Variants in ME3 observed in about 807,000 individuals in gnomAD.
ME3 encodes NADP-dependent malic enzyme, mitochondrial.
In ME3, 48 loss-of-function variants were observed where a neutral mutation model predicts 68.9. The observed-to-expected ratio is 0.70, with a 90% confidence interval of 0.55 to 0.89. The LOEUF is 0.89. ME3 is among the 40% of genes least tolerant of loss of function. The pLI is 0.00. For synonymous variants in ME3, 320 were observed against 318.8 expected, an observed-to-expected ratio of 1.00 and a Z score of -0.04; for missense variants, 675 against 797.4, an observed-to-expected ratio of 0.85 and a Z score of 1.85.
chr11:86,589,387 A>G (rs1009816136), intron 2 of ME3, among the ~76,000 whole-genome samples: 2 of 152,064 alleles, frequency 1.3e-5, no homozygotes, highest in Non-Finnish European at 2.9e-5. Flanking sequence ...GAATATATGA[A>G]TGAATGAATG....
intron 8 of ME3, chr11:86,457,430 C>CT: frequency 1.1e-6 from 1 of 919,074 alleles, no homozygotes; most frequent in Non-Finnish European, 1.3e-6. Context: ...CAGCCTTCTT[C>CT]TTTCTTGACC....
At chr11:86,635,667 C>G (rs1005153408) in intron 2 of ME3, among the ~76,000 whole-genome samples, 1 of 152,328 alleles carries the variant, frequency 6.6e-6, no homozygotes, top group South Asian at 2.1e-4. Flanking sequence ...CTCTGTCTTG[C>G]AGGCTTGCTG....
At chr11:86,493,777 G>A (rs1419411161) in intron 6 of ME3, among the ~76,000 whole-genome samples, 1 of 152,198 alleles carries the variant, frequency 6.6e-6, no homozygotes, top group African/African-American at 2.4e-5. Flanking sequence ...GCTGTGGACA[G>A]CAGATGTTTT....
At chr11:86,583,556 CAATT>C (rs992477848) in intron 2 of ME3, among the ~76,000 whole-genome samples, 3 of 152,042 alleles carry the variant, frequency 2.0e-5, no homozygotes, top group Admixed American at 1.3e-4. Context: ...AATAATCACC[CAATT>C]AATTAATTCA....
At position 86,618,684 on chromosome 11, in the gene ME3, C is replaced by T. The variant is rs892819489; in HGVS notation, c.183+53078G>A. On this transcript the variant is annotated intron_variant, in intron 2 of 14. Coordinates refer to ENST00000543262, the Ensembl canonical transcript of ME3. ...AGATCCCTCATGGTTTGGTGCTGTC[C>T]TCATGATAGTAAATGAGTTCTCATG... 2.0e-5 allele frequency among the ~76,000 whole-genome samples: 3 copies of T among 151,376 alleles called. No homozygotes were observed. The South Asian group carries it at 6.3e-4, about 32-fold the overall frequency.
At chr11:86,661,910 A>C (rs1946309407) in intron 2 of ME3, among the ~76,000 whole-genome samples, 1 of 152,154 alleles carries the variant, frequency 6.6e-6, no homozygotes, top group Non-Finnish European at 1.5e-5. Flanking sequence ...CCACTGCCTA[A>C]AACTAAACAG....
At chr11:86,611,626 T>C (rs1385235320) in intron 2 of ME3, among the ~76,000 whole-genome samples, 3 of 146,510 alleles carry the variant, frequency 2.0e-5, no homozygotes, top group African/African-American at 7.6e-5. Context: ...GGAAGAAAAA[T>C]GAATATCTGA....
intron 14 of ME3, 145 bp downstream of exon 14, chr11:86,442,676 T>C: frequency 1.6e-6 from 1 of 612,526 alleles, no homozygotes; most frequent in Non-Finnish European, 2.7e-6. Context: ...CAAGAGTTTG[T>C]CACCCAGCCT....
chr11:86,451,704 A>T (rs1023004034), intron 8 of ME3, among the ~76,000 whole-genome samples: 1 of 152,224 alleles, frequency 6.6e-6, no homozygotes, highest in African/African-American at 2.4e-5. Flanking sequence ...GCAGATATAC[A>T]TTCTGGATAT....
chr11:86,604,720 TGTGA>T (rs1346521523), intron 2 of ME3, among the ~76,000 whole-genome samples: 7 of 141,482 alleles, frequency 4.9e-5, no homozygotes, highest in Non-Finnish European at 8.2e-5. Context: ...GTATAGAAAG[TGTGA>T]GTAATTTGGG....
At chr11:86,665,073 G>A (rs928077799) in intron 2 of ME3, among the ~76,000 whole-genome samples, 3 of 152,200 alleles carry the variant, frequency 2.0e-5, no homozygotes, top group African/African-American at 7.2e-5. Flanking sequence ...GGGAAGAGAT[G>A]AGAGGAGGGA....
chr11:86,664,486 T>C (rs917455008), intron 2 of ME3, among the ~76,000 whole-genome samples: 1 of 152,218 alleles, frequency 6.6e-6, no homozygotes, highest in East Asian at 1.9e-4. Context: ...GAGAAAACAC[T>C]TTCTGAGTAT....
Position 86,446,999 on chromosome 11 carries a change from T to C in ME3, c.1380+66A>G, listed in dbSNP as rs1000361027. ...GATGTAGGAGTATTTTTCACCCTCATGAGGTTACTCATTGTAATTGTTACT... is the reference window on the plus strand; with the variant it reads ...GATGTAGGAGTATTTTTCACCCTCACGAGGTTACTCATTGTAATTGTTACT... On this transcript the variant is annotated intron_variant, in intron 12 of 14. Transcript: ENST00000543262. 2.5e-5 allele frequency: 39 copies of C among 1,566,966 alleles called. 1 individual carries two copies. In the Middle Eastern group the frequency reaches 1.1e-3, roughly 42 times the overall value.
downstream of ME3, among the ~76,000 whole-genome samples, chr11:86,440,465 C>T (rs1948935677): frequency 6.6e-6 from 1 of 152,168 alleles, no homozygotes; most frequent in Admixed American, 6.5e-5. Context: ...GTTCCAGAGC[C>T]AGGAAAATGA....
chr11:86,450,807 A>G (rs1368921886), intron 8 of ME3, among the ~76,000 whole-genome samples: 1 of 152,226 alleles, frequency 6.6e-6, no homozygotes, highest in Admixed American at 6.5e-5. Flanking sequence ...AAATGACCAT[A>G]TGGCCTGAGC....
At chr11:86,494,608 G>A (rs1173137575) in intron 6 of ME3, among the ~76,000 whole-genome samples, 1 of 151,908 alleles carries the variant, frequency 6.6e-6, no homozygotes, top group Non-Finnish European at 1.5e-5. Flanking sequence ...CAGACCCAGG[G>A]AAGGTTCTCT....
intron 2 of ME3, among the ~76,000 whole-genome samples, chr11:86,660,942 C>G (rs1179530541): frequency 6.6e-6 from 1 of 152,070 alleles, no homozygotes; most frequent in African/African-American, 2.4e-5. Context: ...AGGGTCAGGT[C>G]AAGATTTTCA....
chr11:86,580,130 G>A (rs1330255201), intron 2 of ME3, among the ~76,000 whole-genome samples: 2 of 152,120 alleles, frequency 1.3e-5, no homozygotes, highest in Non-Finnish European at 2.9e-5. Context: ...GGGGCTACAT[G>A]CACCTTGTCA....
At chr11:86,662,619 A>T (rs1946354236) in intron 2 of ME3, among the ~76,000 whole-genome samples, 2 of 152,150 alleles carry the variant, frequency 1.3e-5, no homozygotes, top group African/African-American at 4.8e-5. Context: ...AATGAAAATA[A>T]AATTTAAAAC....
Sources: gnomAD v4.1 joint callset for allele counts (sites outside exome capture counted in the v4.1 genomes callset) on GRCh38, gnomAD v4.1.1 for gene constraint, MANE v1.5 for transcripts, NCBI Gene and HGNC (gene_info 2026-07-23, HGNC 2026-07-21) for gene names.